KLK11: variants seen among roughly 807,000 people sequenced by gnomAD.
KLK11 encodes the protein kallikrein related peptidase 11.
KLK11 carries 10 observed loss-of-function variants against 23.4 expected under a neutral mutation model. The ratio of observed to expected loss-of-function variants is 0.43; its 90% CI spans 0.26 to 0.73. KLK11 has a LOEUF of 0.73. KLK11 is among the 30% of genes least tolerant of loss of function. The pLI, the probability that KLK11 is intolerant of heterozygous loss-of-function variation, is 0.22. For synonymous variants in KLK11, 131 were observed against 131.7 expected (o/e 0.99, Z 0.03); for missense variants, 285 against 327.8 (o/e 0.87, Z 1.01).
In KLK11 at chr19:51,024,232, G is replaced by T. The variant is rs138271660; in HGVS notation, c.276C>A (p.Ser92=). 1 of 1,613,974 alleles carries T rather than the reference G, an allele frequency of 6.2e-7. No individual in the cohort carries two copies. The highest frequency in any genetic ancestry group is 2.2e-5 in the East Asian group (1 of 44,882). The change falls in exon 4 of 6, where the codon TCC becomes TCA. Residue 92 remains serine, a synonymous_variant. Transcript: ENST00000453757. This position sits in a 1 kb window ranked among gnomAD's most constrained non-coding sequence, Gnocchi z 6.2. ...GCEQTRTATE[S]FPHPGFNNSL... The stretch of plus-strand genomic sequence containing the variant: ...TGTTGTTGAAGCCGGGGTGGGGGAA[G>T]GACTCAGTGGCTGTCCGGGTCTGCT...
At position 51,025,089 on chromosome 19, in the gene KLK11, T is replaced by TC. The variant is rs978871860; in HGVS notation, c.41-296dup. On this transcript the variant is annotated intron_variant, in intron 2 of 5. Coordinates refer to ENST00000453757, the MANE Select transcript of KLK11 (RefSeq NM_001136032.3). This position sits in a 1 kb window ranked among gnomAD's most constrained non-coding sequence, Gnocchi z 6.2. The stretch of plus-strand genomic sequence containing the variant: ...CCTAGGCAAACATAGTGAGACCTCC[T>TC]CCCCCATCTCTACAAACAATTAAAC... 2.0e-5 allele frequency among the ~76,000 whole-genome samples: 3 copies of TC among 151,948 alleles called. No homozygotes were observed. The highest frequency in any genetic ancestry group is 7.3e-5 in the African/African-American group (3 of 41,370).
At chr19:51,026,300 T>C (rs1439837677) in intron 1 of KLK11, among the ~76,000 whole-genome samples, 2 of 151,770 alleles carry the variant, frequency 1.3e-5, no homozygotes. Flanking sequence ...TCCGCTGCCC[T>C]GGCCAGCGGG....
Position 51,022,321 on chromosome 19 carries a change from G to A in KLK11, c.*224C>T, listed in dbSNP as rs1264568881. The A allele has an allele frequency of 3.5e-6, 2 of 571,316 alleles. No individual in the cohort carries two copies. The highest frequency in any genetic ancestry group is 3.1e-6 in the Non-Finnish European group (1 of 319,000). The allele number at this position is 571,316 out of a possible 1,614,324, so 35.4% of individuals were successfully genotyped here. On this transcript the variant is annotated 3_prime_UTR_variant, in exon 6 of 6. Coordinates refer to ENST00000453757, the MANE Select transcript of KLK11 (RefSeq NM_001136032.3). Reference sequence around the variant, plus strand: ...GGATACAACAGAGAACAAACCAGGTGTTGTCATTCCCAGAGTCACAATATT... The same window carrying A: ...GGATACAACAGAGAACAAACCAGGTATTGTCATTCCCAGAGTCACAATATT...
intron 4 of KLK11, chr19:51,023,689 A>T (rs1368472966): frequency 4.5e-6 from 1 of 222,970 alleles, no homozygotes; most frequent in South Asian, 1.2e-4. Flanking sequence ...CCAGCCTGCT[A>T]TCCAATAAAT....
Position 51,023,092 on chromosome 19 carries a change from C to T in KLK11, c.600G>A (p.Gln200=), listed in dbSNP as rs777451822. ...SVQEGGKDSC[Q]GDSGGPLVCN... ...GGCTGTGGTTGGAGACCACACTGACCTGGCAGGAGTCCTTGCCCCCTTCCT... is the reference window on the plus strand; with the variant it reads ...GGCTGTGGTTGGAGACCACACTGACTTGGCAGGAGTCCTTGCCCCCTTCCT... Residue 200 remains glutamine (Q), a splice_region_variant and synonymous_variant, in exon 5 of 6, where the codon CAG becomes CAA. Coordinates refer to ENST00000453757, the MANE Select transcript of KLK11 (RefSeq NM_001136032.3). 6.2e-7 allele frequency: 1 copy of T among 1,605,084 alleles called. No individual in the cohort carries two copies. The highest frequency in any genetic ancestry group is 8.5e-7 in the Non-Finnish European group (1 of 1,175,922).
upstream of KLK11, chr19:51,027,496 G>A (rs539901509): frequency 1.2e-5 from 19 of 1,613,980 alleles, no homozygotes; most frequent in East Asian, 4.5e-5. Context: ...TTCCAGTCCC[G>A]CAGCCACCTC....
chr19:51,022,842 G>A, intron 5 of KLK11, 145 bp from the exon 6 acceptor site: 1 of 1,004,710 alleles, frequency 1.0e-6, no homozygotes, highest in Non-Finnish European at 1.5e-6. Flanking sequence ...GATAAAGCTG[G>A]GATTATGGGT....
upstream of KLK11, chr19:51,026,914 C>T (rs2091495186): frequency 6.5e-6 from 1 of 155,024 alleles, no homozygotes; most frequent in South Asian, 2.0e-4. Flanking sequence ...TTCAGTAATT[C>T]TGACTTTGTG....
At chr19:51,023,855 A>G (rs535556579) in intron 4 of KLK11, 190 bp downstream of exon 4, 10 of 508,488 alleles carry the variant, frequency 2.0e-5, no homozygotes, top group African/African-American at 1.7e-4. Context: ...GTATGATTGC[A>G]TATCCCGTCC....
rs555660283 is a variant in KLK11 at position 51,024,324 on chromosome 19, G to A, written c.198-14C>T. ...ACTATGTAGCGGCTGAGGTGGGAGA[G>A]ACAGTAGTTGGAGGAGGAAAGGTCG... On this transcript the variant is annotated splice_polypyrimidine_tract_variant and intron_variant, in intron 3 of 5. Transcript: ENST00000453757. This position sits in a 1 kb window ranked among gnomAD's most constrained non-coding sequence, Gnocchi z 6.2. 6.2e-7 allele frequency: 1 copy of A among 1,611,668 alleles called. No individual in the cohort carries two copies. The highest frequency in any genetic ancestry group is 8.5e-7 in the Non-Finnish European group (1 of 1,179,232).
Position 51,023,077 on chromosome 19 carries a change from G to A in KLK11, c.600+15C>T. ...TGGGGATGGGGATGGGGCTGTGGTT[G>A]GAGACCACACTGACCTGGCAGGAGT... On this transcript the variant is annotated intron_variant, in intron 5 of 5. Coordinates refer to ENST00000453757, the MANE Select transcript of KLK11 (RefSeq NM_001136032.3). 1 of 1,595,170 alleles carries A rather than the reference G, an allele frequency of 6.3e-7. No individual in the cohort carries two copies. The highest frequency in any genetic ancestry group is 8.5e-7 in the Non-Finnish European group (1 of 1,170,464).
chr19:51,022,833 A>G, intron 5 of KLK11, 136 bp from the exon 6 acceptor site: 1 of 1,043,608 alleles, frequency 9.6e-7, no homozygotes, highest in Non-Finnish European at 1.4e-6. Flanking sequence ...AGGTTTAGCG[A>G]TAAAGCTGGG....
rs893841870 is a variant in KLK11, at chr19:51,025,042, G to A, written c.41-248C>T. 1.3e-5 allele frequency among the ~76,000 whole-genome samples: 2 copies of A among 152,116 alleles called. No individual in the cohort carries two copies. ...AGAGGCTAAGGTGGGAGGATTACTT[G>A]AGCCCAGGAGTTCTAGATCAGCCTA... is the stretch of plus-strand genomic sequence containing the variant. On this transcript the variant is annotated intron_variant, in intron 2 of 5. Transcript: ENST00000453757. The surrounding 1 kb of genome is among the most constrained non-coding windows in gnomAD (Gnocchi z 6.2).
chr19:51,024,704 C>T lies in KLK11; in HGVS notation c.131G>A (p.Arg44Gln), dbSNP rs544594005. 1.1e-4 allele frequency: 171 copies of T among 1,601,006 alleles called. No individual in the cohort carries two copies. The highest frequency in any genetic ancestry group is 2.4e-4 in the South Asian group (21 of 89,056). Residue 44 changes from arginine to glutamine, a missense_variant, in exon 3 of 6, where the codon CGG (arginine) becomes CAG (glutamine). Physicochemically the swap from Arg to Gln is conservative, Grantham distance 43 (BLOSUM62 1). Coordinates refer to ENST00000453757, the MANE Select transcript of KLK11 (RefSeq NM_001136032.3). The surrounding 1 kb of genome is among the most constrained non-coding windows in gnomAD (Gnocchi z 6.2). ...PWQAALFEKTRLLCGATLIAP... is the reference protein window; with the variant it reads ...PWQAALFEKTQLLCGATLIAP... The stretch of plus-strand genomic sequence containing the variant: ...GATGAGCGTCGCCCCACAGAGTAGC[C>T]GCGTCTTCTCGAACAGGGCTGCCTG...
At chr19:51,023,698 A>C (rs1219643595) in intron 4 of KLK11, 2 of 236,490 alleles carry the variant, frequency 8.5e-6, no homozygotes, top group Non-Finnish European at 1.6e-5. Flanking sequence ...TATCCAATAA[A>C]TGATTTATGT....
At position 51,024,852 on chromosome 19, in the gene KLK11, G is replaced by A; in HGVS notation, c.41-58C>T. 6.8e-7 allele frequency: 1 copy of A among 1,461,380 alleles called. No homozygotes were observed. Among genetic ancestry groups the A allele is most frequent in the East Asian group, 2.7e-5 (1 of 37,452 alleles). The allele number at this position is 1,461,380 out of a possible 1,614,324, so 90.5% of individuals were successfully genotyped here. A position where few individuals can be genotyped will look rare whatever the true frequency, so the allele number is the denominator to read the frequency against. ...GGAAGGAGAGGTGGTAGACCAGGAGGACTCCCAGAAATGGGGGTGGGGAGG... is the reference window on the plus strand; with the variant it reads ...GGAAGGAGAGGTGGTAGACCAGGAGAACTCCCAGAAATGGGGGTGGGGAGG... On this transcript the variant is annotated intron_variant, in intron 2 of 5. Transcript: ENST00000453757. The surrounding 1 kb of genome is among the most constrained non-coding windows in gnomAD (Gnocchi z 6.2).
Position 51,022,420 on chromosome 19 carries a change from T to C in KLK11, c.*125A>G. ...GATTATTAAGTGACAGCATCTCCTGTAGTCCAGGAGGCCCAAAGAATGTTC... is the reference window on the plus strand; with the variant it reads ...GATTATTAAGTGACAGCATCTCCTGCAGTCCAGGAGGCCCAAAGAATGTTC... On this transcript the variant is annotated 3_prime_UTR_variant, in exon 6 of 6. Coordinates refer to ENST00000453757, the MANE Select transcript of KLK11 (RefSeq NM_001136032.3). 1 of 1,073,254 alleles carries C rather than the reference T, an allele frequency of 9.3e-7. No individual in the cohort carries two copies. The highest frequency in any genetic ancestry group is 1.4e-6 in the Non-Finnish European group (1 of 706,662). The allele number at this position is 1,073,254 out of a possible 1,614,324, so 66.5% of individuals were successfully genotyped here. A position where few individuals can be genotyped will look rare whatever the true frequency, so the allele number is the denominator to read the frequency against.
chr19:51,022,662 A>T lies in KLK11; in HGVS notation c.636T>A (p.Ser212=), dbSNP rs1230406949. Residue 212 remains serine, a synonymous_variant, in exon 6 of 6, where the codon TCT becomes TCA. Transcript: ENST00000453757. ...DSGGPLVCNQ[S]LQGIISWGQD... Reference sequence around the variant, plus strand: ...GGCCCCAGGAGATAATGCCTTGAAGAGACTGGTTACAGACCAGAGGGCCCC... The same window carrying T: ...GGCCCCAGGAGATAATGCCTTGAAGTGACTGGTTACAGACCAGAGGGCCCC... 2 of 1,613,394 alleles carry T rather than the reference A, an allele frequency of 1.2e-6. No homozygotes were observed.
Position 51,023,222 on chromosome 19 carries a change from AGGCGTACTGT to A in KLK11, c.464-4_469del. 1.2e-6 allele frequency: 2 copies of A among 1,612,690 alleles called. No homozygotes were observed. Among genetic ancestry groups the A allele is most frequent in the South Asian group, 2.2e-5 (2 of 90,812 alleles). ...GTTGGCGCATCGCAAGGTGTGAGGC[AGGCGTACTGT>A]GGAAACAGCGTGAGGGGCTGTGGGA... On this transcript the variant is annotated splice_acceptor_variant and splice_polypyrimidine_tract_variant and coding_sequence_variant and intron_variant, in exon 5 of 6. Transcript: ENST00000453757. LOFTEE classifies it high-confidence loss of function.
Sources: gnomAD v4.1 joint callset for allele counts (sites outside exome capture counted in the v4.1 genomes callset) on GRCh38, gnomAD v4.1.1 for gene constraint, Gnocchi (gnomAD v3.1) non-coding constraint, MANE v1.5 for transcripts, NCBI Gene and HGNC (gene_info 2026-07-23, HGNC 2026-07-21) for gene names.